The following ADAMTSL1 variants were observed in gnomAD, a reference collection of about 807,000 sequenced individuals.
ADAMTSL1 encodes the protein ADAMTS like 1.
In ADAMTSL1, 126 loss-of-function variants were observed where a neutral mutation model predicts 201.8. The ratio of observed to expected loss-of-function variants is 0.62; its 90% CI spans 0.54 to 0.72. ADAMTSL1 has a LOEUF of 0.72. Ranked by LOEUF, ADAMTSL1 falls within the 30% of genes least tolerant of loss-of-function variation. The pLI, the probability that ADAMTSL1 is intolerant of heterozygous loss-of-function variation, is 0.00. For missense variants in ADAMTSL1, 2,679 were observed against 2,277.8 expected, an observed-to-expected ratio of 1.18 and a Z score of -3.59; for synonymous variants, 1,121 against 903.4, an observed-to-expected ratio of 1.24 and a Z score of -4.32.
chr9:18,574,579 A>C, intron 4 of ADAMTSL1: 1 of 469,396 alleles, frequency 2.1e-6, no homozygotes, highest in Non-Finnish European at 3.6e-6. Flanking sequence ...GCTATTCCTG[A>C]AGTGTGTGTT....
At chr9:18,110,378 G>C (rs1460645764) in intron 1 of ADAMTSL1, among the ~76,000 whole-genome samples, 1 of 152,190 alleles carries the variant, frequency 6.6e-6, no homozygotes, top group Non-Finnish European at 1.5e-5. Flanking sequence ...GGTAGGGAAA[G>C]TGCAAGACTA....
At chr9:18,002,304 A>C (rs1819645202) in intron 1 of ADAMTSL1, among the ~76,000 whole-genome samples, 1 of 152,004 alleles carries the variant, frequency 6.6e-6, no homozygotes, top group Non-Finnish European at 1.5e-5. Context: ...CTTGGAATTA[A>C]ATAAAAACCA....
chr9:18,714,359 T>C (rs1442112675), intron 14 of ADAMTSL1, among the ~76,000 whole-genome samples: 4 of 151,820 alleles, frequency 2.6e-5, no homozygotes, highest in African/African-American at 9.7e-5. Flanking sequence ...CTAGCAAGAC[T>C]AATAAAGAAA....
chr9:18,314,219 G>T (rs1834270938), intron 2 of ADAMTSL1, among the ~76,000 whole-genome samples: 3 of 152,168 alleles, frequency 2.0e-5, no homozygotes, highest in Non-Finnish European at 4.4e-5. Flanking sequence ...GAGAACCCTG[G>T]TTTGTACACT....
chr9:17,966,920 A>G (rs940294296), intron 1 of ADAMTSL1, among the ~76,000 whole-genome samples: 1 of 152,178 alleles, frequency 6.6e-6, no homozygotes, highest in African/African-American at 2.4e-5. Context: ...TTGATTTTCC[A>G]ACATCTTTGA....
At chr9:18,285,149 A>G (rs1832946176) in intron 2 of ADAMTSL1, among the ~76,000 whole-genome samples, 1 of 152,146 alleles carries the variant, frequency 6.6e-6, no homozygotes, top group Non-Finnish European at 1.5e-5. Context: ...CAAAAAATAA[A>G]TATATTCAAA....
chr9:18,195,316 G>A (rs1448356285), intron 2 of ADAMTSL1, among the ~76,000 whole-genome samples: 2 of 152,122 alleles, frequency 1.3e-5, no homozygotes, highest in Non-Finnish European at 2.9e-5. Context: ...GCTTTTGGTG[G>A]CAAGGATCAA....
At chr9:17,968,020 G>T (rs1297000686) in intron 1 of ADAMTSL1, among the ~76,000 whole-genome samples, 1 of 152,094 alleles carries the variant, frequency 6.6e-6, no homozygotes, top group Non-Finnish European at 1.5e-5. Context: ...GCTATGCACA[G>T]CTGTTACTCC....
chr9:18,194,585 T>C (rs1194299865), intron 2 of ADAMTSL1, among the ~76,000 whole-genome samples: 1 of 152,106 alleles, frequency 6.6e-6, no homozygotes, highest in Non-Finnish European at 1.5e-5. Context: ...AGCAAGAATC[T>C]TGCTTTCTTG....
At chr9:18,049,176 C>A (rs145942080) in intron 1 of ADAMTSL1, among the ~76,000 whole-genome samples, 2 of 152,176 alleles carry the variant, frequency 1.3e-5, no homozygotes, top group African/African-American at 2.4e-5. Context: ...TTCATTACAT[C>A]TACAAAGACC....
intron 5 of ADAMTSL1, among the ~76,000 whole-genome samples, chr9:18,631,842 A>G (rs1205042769): frequency 2.3e-4 from 35 of 152,250 alleles, no homozygotes; most frequent in Admixed American, 2.2e-3. Flanking sequence ...GACAGAATTT[A>G]TGATTCCCAT....
At chr9:18,431,795 A>T (rs1404281707) in intron 2 of ADAMTSL1, among the ~76,000 whole-genome samples, 3 of 152,134 alleles carry the variant, frequency 2.0e-5, no homozygotes, top group Admixed American at 2.0e-4. Context: ...AATTGTCAAG[A>T]TCCTTGTAAA....
rs139701008 is a variant in ADAMTSL1 at position 18,260,931 on chromosome 9, G to A, written c.207+96950G>A. ...TTTCCTTTCTCTCGGCTCTGGCTATGTTCAGCTCTATATATTTAGCAAGTT... is the reference window on the plus strand; with the variant it reads ...TTTCCTTTCTCTCGGCTCTGGCTATATTCAGCTCTATATATTTAGCAAGTT... On this transcript the variant is annotated intron_variant, in intron 2 of 29. Coordinates refer to the ADAMTSL1 transcript ENST00000680146. Among the ~76,000 whole-genome samples, 30 of 150,440 alleles carry A rather than the reference G, an allele frequency of 2.0e-4. 1 individual carries two copies. Among genetic ancestry groups the A allele is most frequent in the African/African-American group, 6.8e-4 (28 of 40,968 alleles).
chr9:17,919,065 G>C, intron 1 of ADAMTSL1, among the ~76,000 whole-genome samples: 1 of 151,252 alleles, frequency 6.6e-6, no homozygotes, highest in Non-Finnish European at 1.5e-5. Context: ...CCTTTAATGT[G>C]ATCTCCTGAC....
At chr9:17,981,947 G>A (rs1818722063) in intron 1 of ADAMTSL1, among the ~76,000 whole-genome samples, 3 of 152,166 alleles carry the variant, frequency 2.0e-5, no homozygotes, top group Admixed American at 1.3e-4. Flanking sequence ...ACTTCTGCAA[G>A]GTCAAGCAAC....
intron 20 of ADAMTSL1, among the ~76,000 whole-genome samples, chr9:18,805,863 A>G (rs1318505921): frequency 6.6e-6 from 1 of 152,112 alleles, no homozygotes; most frequent in Non-Finnish European, 1.5e-5. Context: ...CTCTCATGAA[A>G]TCTCCAAACC....
At chr9:18,855,387 T>G (rs1375927036) in intron 23 of ADAMTSL1, among the ~76,000 whole-genome samples, 1 of 152,178 alleles carries the variant, frequency 6.6e-6, no homozygotes, top group African/African-American at 2.4e-5. Flanking sequence ...TTGCTCTTTT[T>G]GAAAAATTGT....
chr9:17,981,559 C>T (rs896534384), intron 1 of ADAMTSL1, among the ~76,000 whole-genome samples: 10 of 152,108 alleles, frequency 6.6e-5, no homozygotes, highest in African/African-American at 2.4e-4. Context: ...TCGAGTGAGC[C>T]ATCTTTATGG....
At chr9:18,728,691 C>A (rs563805) in intron 15 of ADAMTSL1, among the ~76,000 whole-genome samples, 124,848 of 152,186 alleles carry the variant, frequency 0.82, 51,485 homozygotes, top group Admixed American at 0.88. Flanking sequence ...ATGGTAAGGC[C>A]TAAGTAGGAG....
Sources: allele counts gnomAD v4.1 joint callset (sites outside exome capture counted in the v4.1 genomes callset), GRCh38; gene constraint gnomAD v4.1.1; transcripts MANE v1.5; gene names NCBI Gene and HGNC (gene_info 2026-07-23, HGNC 2026-07-21).